Variants in GPBP1 observed in about 807,000 individuals in gnomAD.
GPBP1 encodes GC-rich promoter binding protein 1.
A neutral mutation model predicts 56.5 loss-of-function variants in GPBP1; 13 were observed. The observed-to-expected ratio is 0.23, with a 90% CI of 0.15 to 0.37. The LOEUF (loss-of-function observed/expected upper bound fraction) is 0.37. Ranked by LOEUF, GPBP1 falls within the 10% of genes least tolerant of loss-of-function variation. The pLI, the probability that GPBP1 is intolerant of heterozygous loss-of-function variation, is 1.00. For missense variants in GPBP1, 477 were observed against 572.3 expected, an observed-to-expected ratio of 0.83 and a Z score of 1.70; for synonymous variants, 204 against 188.9, an observed-to-expected ratio of 1.08 and a Z score of -0.66.
At chr5:57,256,649 T>G (rs984224893) in intron 10 of GPBP1, among the ~76,000 whole-genome samples, 8 of 152,178 alleles carry the variant, frequency 5.3e-5, no homozygotes, top group African/African-American at 1.7e-4. Context: ...GATTCAAGAT[T>G]TCAGATTTGG....
At chr5:57,232,933 A>G (rs764371107) in intron 5 of GPBP1, among the ~76,000 whole-genome samples, 2 of 152,232 alleles carry the variant, frequency 1.3e-5, no homozygotes, top group African/African-American at 4.8e-5. Flanking sequence ...TAGTATGAGT[A>G]AAGAGTAGTT....
intron 2 of GPBP1, 41 bp from the exon 3 acceptor site, chr5:57,214,033 C>T: frequency 1.1e-6 from 1 of 904,002 alleles, no homozygotes. Context: ...AATTTTTGGC[C>T]AGGAGCTGCA....
intron 2 of GPBP1, among the ~76,000 whole-genome samples, chr5:57,177,293 T>C: frequency 6.6e-6 from 1 of 152,194 alleles, no homozygotes; most frequent in East Asian, 1.9e-4. Flanking sequence ...TACCGTTAGT[T>C]ACTACATTTA....
At position 57,186,200 on chromosome 5, in the gene GPBP1, C is replaced by G. The variant is rs1045350903; in HGVS notation, c.-58+9800C>G. ...TCCTTTTACGCTGGAAGTTCAAGACCAGCCTGGGCAACATACTAAGACGCC... is the reference window on the plus strand; with the variant it reads ...TCCTTTTACGCTGGAAGTTCAAGACGAGCCTGGGCAACATACTAAGACGCC... On this transcript the variant is annotated intron_variant, in intron 2 of 11. Coordinates refer to ENST00000506184, the MANE Select transcript of GPBP1 (RefSeq NM_022913.4). Among the ~76,000 whole-genome samples, 61 of 151,814 alleles carry G rather than the reference C, an allele frequency of 4.0e-4. 1 individual carries two copies. The highest frequency in any genetic ancestry group is 1.0e-4 in the Non-Finnish European group (7 of 67,950).
intron 2 of GPBP1, among the ~76,000 whole-genome samples, chr5:57,191,474 A>G (rs1041040519): frequency 6.6e-6 from 1 of 151,480 alleles, no homozygotes; most frequent in Non-Finnish European, 1.5e-5. Context: ...AATTTCCCCA[A>G]TTTTGAACTG....
intron 2 of GPBP1, among the ~76,000 whole-genome samples, chr5:57,210,828 G>T (rs1019225235): frequency 1.3e-5 from 2 of 152,122 alleles, no homozygotes; most frequent in South Asian, 4.1e-4. Flanking sequence ...CTCTTCACAT[G>T]GTCCTTTTAT....
At chr5:57,200,810 T>C (rs2111693907) in intron 2 of GPBP1, among the ~76,000 whole-genome samples, 1 of 152,268 alleles carries the variant, frequency 6.6e-6, no homozygotes, top group South Asian at 2.1e-4. Flanking sequence ...GGCTAACAAG[T>C]AGCTGGGACT....
At chr5:57,223,163 A>G (rs1383895541) in intron 3 of GPBP1, among the ~76,000 whole-genome samples, 1 of 152,018 alleles carries the variant, frequency 6.6e-6, no homozygotes, top group African/African-American at 2.4e-5. Flanking sequence ...TCTTAGAGAC[A>G]GGGTCTCACT....
At position 57,263,480 on chromosome 5, in the gene GPBP1, G is replaced by A. The variant is rs1741993585; in HGVS notation, c.*728G>A. ...CAGGGTTTTCAGAGTTGATGGAAAA[G>A]AGTCTTGTGAGAAAACTTATTTTGA... On this transcript the variant is annotated 3_prime_UTR_variant, in exon 12 of 12. Coordinates refer to ENST00000506184, the MANE Select transcript of GPBP1 (RefSeq NM_022913.4). 2 of 152,320 alleles carry A rather than the reference G, an allele frequency of 1.3e-5. No homozygotes were observed. The highest frequency in any genetic ancestry group is 4.1e-4 in the South Asian group (2 of 4,834). 9.4% of individuals were successfully genotyped at this position (152,320 alleles called of 1,614,324 possible).
At chr5:57,236,989 C>T in intron 6 of GPBP1, 1 of 620,800 alleles carries the variant, frequency 1.6e-6, no homozygotes. Context: ...TTCTTTTGAT[C>T]TTCCTCTTTA....
At chr5:57,251,291 T>G (rs1164264722) in intron 10 of GPBP1, 150 bp downstream of exon 10, 1 of 649,548 alleles carries the variant, frequency 1.5e-6, no homozygotes, top group Non-Finnish European at 2.5e-6. Context: ...TTTAATATAT[T>G]CAAAGTAGCC....
chr5:57,198,528 ATAGTTTTCT>A (rs1367378534), intron 2 of GPBP1, among the ~76,000 whole-genome samples: 3 of 152,086 alleles, frequency 2.0e-5, no homozygotes, highest in East Asian at 1.9e-4. Flanking sequence ...AGTGGTTATC[ATAGTTTTCT>A]TAGTTTTCTA....
intron 2 of GPBP1, among the ~76,000 whole-genome samples, chr5:57,184,867 C>T (rs1404502826): frequency 6.6e-6 from 1 of 152,180 alleles, no homozygotes; most frequent in Admixed American, 6.5e-5. Context: ...AGGAATTATA[C>T]AGTGGATTAG....
intron 2 of GPBP1, among the ~76,000 whole-genome samples, chr5:57,211,436 A>G (rs1174231260): frequency 6.6e-6 from 1 of 152,172 alleles, no homozygotes; most frequent in African/African-American, 2.4e-5. Context: ...GGAGCCTCCC[A>G]CTTCACTTCC....
Position 57,217,599 on chromosome 5 carries a change from AAC to A in GPBP1, c.63+3410_63+3411del, listed in dbSNP as rs372934638. Among the ~76,000 whole-genome samples the A allele has an allele frequency of 2.7e-4, 41 of 152,278 alleles. No individual in the cohort carries two copies. In the East Asian group the frequency reaches 4.4e-3, roughly 16 times the overall value. On this transcript the variant is annotated intron_variant, in intron 3 of 11. Coordinates refer to ENST00000506184, the MANE Select transcript of GPBP1 (RefSeq NM_022913.4). Reference sequence around the variant, plus strand: ...AACAAACAAACAAAAAACACAAAAAAACACAACTACAAGTGGTCAAAGATCTA... The same window carrying A: ...AACAAACAAACAAAAAACACAAAAAAACAACTACAAGTGGTCAAAGATCTA...
At chr5:57,262,524 T>C in intron 11 of GPBP1, 70 bp from the exon 12 acceptor site, 9 of 1,173,226 alleles carry the variant, frequency 7.7e-6, no homozygotes, top group Middle Eastern at 2.0e-4. Flanking sequence ...ATTATATTCA[T>C]GCTTATATTA....
chr5:57,190,995 T>G (rs1300355638), intron 2 of GPBP1, among the ~76,000 whole-genome samples: 1 of 152,166 alleles, frequency 6.6e-6, no homozygotes. Flanking sequence ...CATATTGTCT[T>G]GAACTCTGGG....
At chr5:57,219,470 T>A (rs866384512) in intron 3 of GPBP1, among the ~76,000 whole-genome samples, 18 of 146,332 alleles carry the variant, frequency 1.2e-4, no homozygotes, top group South Asian at 6.5e-4. Flanking sequence ...AATTAAAATT[T>A]AAAAAAAAAG....
At position 57,244,727 on chromosome 5, in the gene GPBP1, A is replaced by T. The variant is rs60712944; in HGVS notation, c.479-1573A>T. On this transcript the variant is annotated intron_variant, in intron 6 of 11. Coordinates refer to ENST00000506184, the MANE Select transcript of GPBP1 (RefSeq NM_022913.4). ...TATTATTTACTATTCTTTGTTTGAGATTTTTTTTTTTTTTTTTTTTTTTTG... is the reference window on the plus strand; with the variant it reads ...TATTATTTACTATTCTTTGTTTGAGTTTTTTTTTTTTTTTTTTTTTTTTTG... 5.9e-3 allele frequency among the ~76,000 whole-genome samples: 552 copies of T among 93,160 alleles called. 7 individuals carry two copies. The highest frequency in any genetic ancestry group is 0.021 in the African/African-American group (476 of 22,748). 61.1% of individuals were successfully genotyped at this position (93,160 alleles called of 152,430 possible). A position where few individuals can be genotyped will look rare whatever the true frequency, so the allele number is the denominator to read the frequency against.
Sources: gnomAD v4.1 joint callset for allele counts (sites outside exome capture counted in the v4.1 genomes callset) on GRCh38, gnomAD v4.1.1 for gene constraint, MANE v1.5 for transcripts, NCBI Gene and HGNC (gene_info 2026-07-23, HGNC 2026-07-21) for gene names.